Variants in MAGI1 observed in about 807,000 individuals in gnomAD.
The protein encoded by MAGI1 is membrane-associated guanylate kinase, WW and PDZ domain-containing protein 1.
Under a neutral mutation model 139.9 loss-of-function variants are expected in MAGI1, and 58 were observed. The ratio of observed to expected loss-of-function variants is 0.41; its 90% CI spans 0.34 to 0.52. The LOEUF (loss-of-function observed/expected upper bound fraction) is 0.52, where lower values mean the gene tolerates loss of function less well. Ranked by LOEUF, MAGI1 falls within the 20% of genes least tolerant of loss-of-function variation. The pLI is 0.12. For synonymous variants in MAGI1, 812 were observed against 737.9 expected (o/e 1.10, Z -1.63); for missense variants, 1,874 against 1,901.6 (o/e 0.99, Z 0.27).
At chr3:65,733,225 A>G (rs1028325385) in intron 1 of MAGI1, among the ~76,000 whole-genome samples, 3 of 151,852 alleles carry the variant, frequency 2.0e-5, no homozygotes, top group African/African-American at 7.3e-5. Context: ...CGCCCCGCTA[A>G]TTTTTTGTAT....
rs1055558585 is a variant in MAGI1, at chr3:65,767,849, A to T, written c.314-145761T>A. On this transcript the variant is annotated intron_variant, in intron 1 of 22. Coordinates refer to ENST00000402939, the MANE Select transcript of MAGI1 (RefSeq NM_001033057.2). The stretch of plus-strand genomic sequence containing the variant: ...CCTCTGCTTTAACCCTTACAGGAAA[A>T]GCAATCTGATGTAGCTTAATGTAAA... Among the ~76,000 whole-genome samples, 3 of 152,236 alleles carry T rather than the reference A, an allele frequency of 2.0e-5. No homozygotes were observed. In the East Asian group the frequency reaches 5.8e-4, roughly 29 times the overall value.
At chr3:65,421,787 G>A (rs1252046360) in intron 12 of MAGI1, among the ~76,000 whole-genome samples, 1 of 152,114 alleles carries the variant, frequency 6.6e-6, no homozygotes, top group Non-Finnish European at 1.5e-5. Flanking sequence ...TTGAGAAAGT[G>A]GAGATTGCCC....
intron 12 of MAGI1, among the ~76,000 whole-genome samples, chr3:65,427,023 A>G (rs976958190): frequency 3.9e-5 from 6 of 152,218 alleles, no homozygotes. Flanking sequence ...ATTTAAAATC[A>G]AGGAGTATAG....
At chr3:65,622,116 C>T in intron 1 of MAGI1, 28 bp from the exon 2 acceptor site, 1 of 1,473,370 alleles carries the variant, frequency 6.8e-7, no homozygotes, top group South Asian at 1.1e-5. Flanking sequence ...AATAGACATA[C>T]CACATCAACA....
chr3:65,731,551 C>T (rs1000231019), intron 1 of MAGI1, among the ~76,000 whole-genome samples: 6 of 148,872 alleles, frequency 4.0e-5, no homozygotes, highest in South Asian at 2.1e-4. Flanking sequence ...GCTACTGGGG[C>T]GGCTGAGGTG....
At chr3:65,523,450 A>C (rs59682641) in intron 2 of MAGI1, among the ~76,000 whole-genome samples, 1,829 of 148,326 alleles carry the variant, frequency 0.012, 47 homozygotes, top group East Asian at 0.061. Flanking sequence ...GGGGTGGGGG[A>C]GGGAAGAAAA....
chr3:65,470,121 AT>A (rs1161993916), intron 5 of MAGI1, 161 bp downstream of exon 5: 1 of 574,318 alleles, frequency 1.7e-6, no homozygotes, highest in African/African-American at 1.9e-5. Flanking sequence ...GTTGGTAATA[AT>A]TAATTACCTT....
At chr3:65,430,510 A>C (rs1331426728) in intron 11 of MAGI1, among the ~76,000 whole-genome samples, 189 bp downstream of exon 11, 1 of 152,190 alleles carries the variant, frequency 6.6e-6, no homozygotes, top group East Asian at 1.9e-4. Flanking sequence ...ACAGGTTTTA[A>C]TCTGTCCCAA....
intron 1 of MAGI1, among the ~76,000 whole-genome samples, chr3:65,827,859 T>A (rs111415580): frequency 1.8e-3 from 269 of 152,336 alleles, no homozygotes; most frequent in African/African-American, 6.2e-3. Flanking sequence ...CCCATTATAT[T>A]ATTCTAATTG....
intron 4 of MAGI1, among the ~76,000 whole-genome samples, chr3:65,475,860 C>T (rs7614228): frequency 0.23 from 35,629 of 151,702 alleles, 4,206 homozygotes; most frequent in South Asian, 0.3. Flanking sequence ...GTTACTTAGG[C>T]GTCTTAGTGA....
At chr3:65,848,737 A>C (rs1441748341) in intron 1 of MAGI1, among the ~76,000 whole-genome samples, 1 of 152,112 alleles carries the variant, frequency 6.6e-6, no homozygotes, top group Non-Finnish European at 1.5e-5. Flanking sequence ...GTCACCTGCA[A>C]GCTGAATGTT....
intron 1 of MAGI1, among the ~76,000 whole-genome samples, chr3:65,999,891 GA>G (rs1278281899): frequency 1.3e-5 from 2 of 149,164 alleles, no homozygotes; most frequent in Admixed American, 6.7e-5. Context: ...TAAAAGTAAA[GA>G]AACTTGACAT....
At chr3:65,509,461 G>A (rs1274926189) in intron 2 of MAGI1, among the ~76,000 whole-genome samples, 1 of 152,332 alleles carries the variant, frequency 6.6e-6, no homozygotes, top group East Asian at 1.9e-4. Context: ...CCGTGCGCAA[G>A]CCGAAGCAGG....
intron 1 of MAGI1, among the ~76,000 whole-genome samples, chr3:65,937,286 AG>A (rs74940986): frequency 0.49 from 73,797 of 151,802 alleles, 19,378 homozygotes; most frequent in East Asian, 0.8. Context: ...GACCTCAGCC[AG>A]CCCCACCCTG....
chr3:65,505,310 C>G (rs139903080), intron 2 of MAGI1, among the ~76,000 whole-genome samples: 13 of 151,220 alleles, frequency 8.6e-5, no homozygotes, highest in African/African-American at 3.2e-4. Context: ...TTAAGAATAT[C>G]AAGTTTCCAC....
At chr3:65,845,196 A>G (rs2058946393) in intron 1 of MAGI1, among the ~76,000 whole-genome samples, 1 of 151,824 alleles carries the variant, frequency 6.6e-6, no homozygotes, top group Non-Finnish European at 1.5e-5. Flanking sequence ...GGTTGCAGTG[A>G]GCTGAGATTG....
intron 1 of MAGI1, among the ~76,000 whole-genome samples, chr3:65,854,341 T>C (rs188530787): frequency 3.9e-5 from 6 of 152,194 alleles, no homozygotes; most frequent in African/African-American, 1.4e-4. Flanking sequence ...CATGAGTACA[T>C]GCAATACACT....
chr3:65,532,768 C>T (rs553520161), intron 2 of MAGI1: 1 of 152,208 alleles, frequency 6.6e-6, no homozygotes, highest in Non-Finnish European at 1.5e-5. Flanking sequence ...GAAGAAGAAA[C>T]ATACAATGCA....
chr3:65,841,721 C>T (rs570827015), intron 1 of MAGI1, among the ~76,000 whole-genome samples: 123 of 152,208 alleles, frequency 8.1e-4, no homozygotes, highest in African/African-American at 2.7e-3. Flanking sequence ...CCACCGTGCT[C>T]GGCCAATTTT....
Sources: gnomAD v4.1 joint callset for allele counts (sites outside exome capture counted in the v4.1 genomes callset) on GRCh38, gnomAD v4.1.1 for gene constraint, MANE v1.5 for transcripts, NCBI Gene and HGNC (gene_info 2026-07-23, HGNC 2026-07-21) for gene names.